UBR1: variants seen among roughly 807,000 people sequenced by gnomAD.
The protein encoded by UBR1 is ubiquitin protein ligase E3 component n-recognin 1.
UBR1 carries 102 observed loss-of-function variants against 242.1 expected under a neutral mutation model. The ratio of observed to expected loss-of-function variants is 0.42; its 90% CI spans 0.36 to 0.50. UBR1 has a LOEUF of 0.50. UBR1 is among the 20% of genes least tolerant of loss of function. The pLI is 0.01. For synonymous variants in UBR1, 675 were observed against 684.8 expected (o/e 0.99, Z 0.22); for missense variants, 1,772 against 2,101.8 (o/e 0.84, Z 3.07).
chr15:42,978,533 G>T (rs1210974702), intron 37 of UBR1, among the ~76,000 whole-genome samples: 1 of 152,184 alleles, frequency 6.6e-6, no homozygotes, highest in African/African-American at 2.4e-5. Context: ...GAGAGCAAGA[G>T]TGGCAAAGAA....
At chr15:43,029,125 G>GCACACACACACACACACACACA (rs144923922) in intron 21 of UBR1, among the ~76,000 whole-genome samples, 39 of 151,066 alleles carry the variant, frequency 2.6e-4, no homozygotes, top group African/African-American at 8.5e-4. Context: ...ACACACACAC[G>GCACACACACACACACACACACA]CACACACACA....
At chr15:42,978,611 T>C (rs2032325155) in intron 37 of UBR1, among the ~76,000 whole-genome samples, 1 of 152,182 alleles carries the variant, frequency 6.6e-6, no homozygotes, top group Non-Finnish European at 1.5e-5. Flanking sequence ...TTATTGTAGG[T>C]CTAGGTATTG....
intron 40 of UBR1, among the ~76,000 whole-genome samples, chr15:42,969,204 G>A (rs558083557): frequency 3.3e-5 from 5 of 152,196 alleles, no homozygotes; most frequent in African/African-American, 9.6e-5. Context: ...TTTAATGATT[G>A]CCATTCTAAC....
intron 15 of UBR1, among the ~76,000 whole-genome samples, chr15:43,039,389 T>C (rs1439175964): frequency 6.6e-6 from 1 of 152,236 alleles, no homozygotes; most frequent in Non-Finnish European, 1.5e-5. Context: ...GAAGAGGTCC[T>C]TCACATCCCT....
chr15:42,997,596 T>C (rs1458854413), intron 33 of UBR1, among the ~76,000 whole-genome samples: 1 of 152,184 alleles, frequency 6.6e-6, no homozygotes, highest in East Asian at 1.9e-4. Context: ...CTCACAACTG[T>C]AAAGAATATG....
chr15:43,069,651 AT>A (rs2033799891), intron 5 of UBR1, among the ~76,000 whole-genome samples: 1 of 152,120 alleles, frequency 6.6e-6, no homozygotes, highest in Non-Finnish European at 1.5e-5. Flanking sequence ...TGAGGGGCAT[AT>A]TTTCTCAGCC....
intron 30 of UBR1, among the ~76,000 whole-genome samples, chr15:43,005,019 G>A (rs2032788171): frequency 6.6e-6 from 1 of 151,298 alleles, no homozygotes; most frequent in Non-Finnish European, 1.5e-5. Context: ...GAGTGCTTCT[G>A]CCCAGCCGCG....
Position 43,024,905 on chromosome 15 carries a change from A to G in UBR1, c.2663T>C (p.Met888Thr). ...CTCAAATACGGTCCTGAGAATGTAC[A>G]TCATGATATCACAGTTGAGAAGGTT... is the stretch of plus-strand genomic sequence containing the variant. ...VINLLNCDIMMYILRTVFERA... is the reference protein window; with the variant it reads ...VINLLNCDIMTYILRTVFERA... The change falls in exon 25 of 47, where the codon ATG becomes ACG. Residue 888 changes from methionine (M) to threonine (T), a missense_variant. Around this residue, in one of 3 missense-constraint regions of UBR1, gnomAD observed 965 missense variants for 1,079.7 expected, o/e 0.89. Transcript: ENST00000290650. 1 of 1,614,230 alleles carries G rather than the reference A, an allele frequency of 6.2e-7. No homozygotes were observed. Among genetic ancestry groups the G allele is most frequent in the Non-Finnish European group, 8.5e-7 (1 of 1,180,038 alleles).
At chr15:42,971,303 AAG>A (rs1326607320) in intron 39 of UBR1, among the ~76,000 whole-genome samples, 2 of 152,148 alleles carry the variant, frequency 1.3e-5, no homozygotes, top group Admixed American at 1.3e-4. Flanking sequence ...GGGTCCCATA[AAG>A]AGAACTTTGT....
At chr15:42,990,000 CA>C in intron 34 of UBR1, 29 bp downstream of exon 34, 2 of 1,514,888 alleles carry the variant, frequency 1.3e-6, no homozygotes, top group African/African-American at 2.7e-5. Flanking sequence ...CAATCATTTA[CA>C]AAGTTCTCTT....
chr15:43,025,314 T>A, intron 24 of UBR1, 67 bp downstream of exon 24: 1 of 1,479,478 alleles, frequency 6.8e-7, no homozygotes. Flanking sequence ...CAAAAAACTA[T>A]ATGCTTTGCT....
intron 35 of UBR1, among the ~76,000 whole-genome samples, chr15:42,986,886 C>G (rs1270130734): frequency 6.6e-6 from 1 of 152,206 alleles, no homozygotes; most frequent in African/African-American, 2.4e-5. Flanking sequence ...AGACACGGTC[C>G]CCACCCGGAG....
At chr15:42,949,757 C>T (rs1397173123) in intron 46 of UBR1, among the ~76,000 whole-genome samples, 1 of 151,566 alleles carries the variant, frequency 6.6e-6, no homozygotes, top group Non-Finnish European at 1.5e-5. Flanking sequence ...TGAGATAGCG[C>T]CACTGCACTG....
chr15:43,054,721 C>G (rs191115069), intron 12 of UBR1, 21 bp downstream of exon 12: 2 of 1,613,874 alleles, frequency 1.2e-6, no homozygotes, highest in African/African-American at 2.7e-5. Context: ...GTGCCCTCAC[C>G]TTTTGACTTG....
At chr15:43,101,990 A>AAAAAC in intron 1 of UBR1, among the ~76,000 whole-genome samples, 1 of 149,788 alleles carries the variant, frequency 6.7e-6, no homozygotes, top group African/African-American at 2.4e-5. Flanking sequence ...AAAAAAAAAA[A>AAAAAC]AAAGCCAGGC....
chr15:43,023,870 C>T lies in UBR1; in HGVS notation c.2739+959G>A, dbSNP rs577364989. 5.3e-5 allele frequency among the ~76,000 whole-genome samples: 8 copies of T among 152,176 alleles called. No individual in the cohort carries two copies. The South Asian group carries it at 1.5e-3, about 28-fold the overall frequency. On this transcript the variant is annotated intron_variant, in intron 25 of 46. Coordinates refer to ENST00000290650, the MANE Select transcript of UBR1 (RefSeq NM_174916.3). Reference sequence around the variant, plus strand: ...CTATTAGGAATTAGTATGACAAATACGCTCCCTTAGGTATGCAAAAACATT... The same window carrying T: ...CTATTAGGAATTAGTATGACAAATATGCTCCCTTAGGTATGCAAAAACATT...
chr15:43,060,117 A>C lies in UBR1; in HGVS notation c.799-3T>G, dbSNP rs760763149. 28 of 1,613,906 alleles carry C rather than the reference A, an allele frequency of 1.7e-5. No individual in the cohort carries two copies. The highest frequency in any genetic ancestry group is 5.9e-6 in the Non-Finnish European group (7 of 1,179,896). Reference sequence around the variant, plus strand: ...CCCGCTTTAACAGCCCGACGACCCTAATTATAGACAAAAGTGAGAATTAGG... The same window carrying C: ...CCCGCTTTAACAGCCCGACGACCCTCATTATAGACAAAAGTGAGAATTAGG... On this transcript the variant is annotated splice_region_variant and splice_polypyrimidine_tract_variant and intron_variant, in intron 6 of 46. Coordinates refer to ENST00000290650, the MANE Select transcript of UBR1 (RefSeq NM_174916.3).
intron 29 of UBR1, among the ~76,000 whole-genome samples, chr15:43,010,153 T>G (rs970278872): frequency 1.3e-5 from 2 of 152,228 alleles, no homozygotes; most frequent in African/African-American, 4.8e-5. Flanking sequence ...ATTACAGGCG[T>G]AAGCCACTGC....
intron 40 of UBR1, among the ~76,000 whole-genome samples, chr15:42,967,796 A>G (rs1308846774): frequency 1.3e-5 from 2 of 150,694 alleles, no homozygotes; most frequent in Non-Finnish European, 3.0e-5. Context: ...CTATTAACTT[A>G]AAAAAAAAGA....
Sources: gnomAD v4.1 joint callset for allele counts (sites outside exome capture counted in the v4.1 genomes callset) on GRCh38, gnomAD v4.1.1 for gene constraint, gnomAD v4.1.1 regional missense constraint, MANE v1.5 for transcripts, NCBI Gene and HGNC (gene_info 2026-07-23, HGNC 2026-07-21) for gene names.